The following MAD1L1 variants were observed in gnomAD, a reference collection of about 807,000 sequenced individuals.
The protein encoded by MAD1L1 is mitotic spindle assembly checkpoint protein MAD1.
A neutral mutation model predicts 96.9 loss-of-function variants in MAD1L1; 95 were observed. The ratio of observed to expected loss-of-function variants is 0.98; its 90% CI spans 0.83 to 1.16. MAD1L1 has a LOEUF of 1.16. MAD1L1 is among the 50% of genes most tolerant of loss of function. The pLI, the probability that MAD1L1 is intolerant of heterozygous loss-of-function variation, is 0.00. For synonymous variants in MAD1L1, 473 were observed against 396.6 expected (o/e 1.19, Z -2.29); for missense variants, 1,007 against 954.4 (o/e 1.06, Z -0.73).
chr7:2,184,776 C>T (rs1036983529), intron 10 of MAD1L1, among the ~76,000 whole-genome samples: 4 of 151,894 alleles, frequency 2.6e-5, no homozygotes, highest in South Asian at 4.2e-4. Flanking sequence ...CTGAGGCAGG[C>T]GGATCACCTG....
chr7:1,997,749 T>G (rs1237248814), intron 14 of MAD1L1, among the ~76,000 whole-genome samples: 1 of 152,214 alleles, frequency 6.6e-6, no homozygotes, highest in Non-Finnish European at 1.5e-5. Context: ...CCTTCAGGCA[T>G]GCCTGGCAGG....
chr7:2,166,755 G>A (rs929920463), intron 10 of MAD1L1, among the ~76,000 whole-genome samples: 9 of 152,172 alleles, frequency 5.9e-5, no homozygotes, highest in South Asian at 2.1e-4. Flanking sequence ...CAGCTGGGCC[G>A]GGAGAATGAC....
chr7:2,070,836 C>A (rs1785089945), intron 11 of MAD1L1, among the ~76,000 whole-genome samples: 1 of 152,350 alleles, frequency 6.6e-6, no homozygotes, highest in Admixed American at 6.5e-5. Flanking sequence ...CCTTCCCAGC[C>A]ATTGATTGCT....
intron 10 of MAD1L1, among the ~76,000 whole-genome samples, chr7:2,197,046 C>A (rs1181210602): frequency 2.0e-5 from 3 of 152,226 alleles, no homozygotes; most frequent in Non-Finnish European, 4.4e-5. Context: ...CTGATGAAGA[C>A]CTTCTGCGGC....
At chr7:1,929,783 A>C (rs1408453587) in intron 17 of MAD1L1, among the ~76,000 whole-genome samples, 1 of 81,832 alleles carries the variant, frequency 1.2e-5, no homozygotes, top group Non-Finnish European at 2.2e-5. Context: ...CCCCGTCCCC[A>C]CTGCCACGTC....
At chr7:1,883,531 T>C (rs1284170223) in intron 18 of MAD1L1, among the ~76,000 whole-genome samples, 1 of 152,234 alleles carries the variant, frequency 6.6e-6, no homozygotes. Context: ...CAAGCTCCAG[T>C]GTCCCGGAGA....
At chr7:2,086,643 C>T (rs2128542444) in intron 11 of MAD1L1, among the ~76,000 whole-genome samples, 1 of 152,366 alleles carries the variant, frequency 6.6e-6, no homozygotes, top group East Asian at 1.9e-4. Context: ...CAACCTCCGC[C>T]TCCCAGGTTC....
intron 11 of MAD1L1, among the ~76,000 whole-genome samples, chr7:2,131,330 G>C (rs766183351): frequency 2.0e-5 from 3 of 152,182 alleles, no homozygotes; most frequent in African/African-American, 4.8e-5. Flanking sequence ...TGTGATGAGA[G>C]GCTACATTAA....
chr7:1,911,594 C>T (rs1278613689), intron 17 of MAD1L1, among the ~76,000 whole-genome samples: 2 of 152,248 alleles, frequency 1.3e-5, no homozygotes, highest in Non-Finnish European at 2.9e-5. Context: ...GGACGATGTT[C>T]ACCAGCGAAC....
At chr7:1,939,659 A>G (rs905380536) in intron 16 of MAD1L1, among the ~76,000 whole-genome samples, 1 of 152,126 alleles carries the variant, frequency 6.6e-6, no homozygotes, top group Non-Finnish European at 1.5e-5. Context: ...GCACTCTCCT[A>G]TCTCCCAGAG....
intron 18 of MAD1L1, chr7:1,874,621 G>A: frequency 6.9e-6 from 3 of 436,816 alleles, no homozygotes; most frequent in East Asian, 1.4e-4. Flanking sequence ...GCTCTTCATC[G>A]ATCGCCTGGT....
At chr7:2,130,710 T>C (rs1788472983) in intron 11 of MAD1L1, among the ~76,000 whole-genome samples, 1 of 152,184 alleles carries the variant, frequency 6.6e-6, no homozygotes, top group African/African-American at 2.4e-5. Context: ...TCTTGTTCCG[T>C]AAATAACTAG....
intron 9 of MAD1L1, 68 bp downstream of exon 9, chr7:2,215,817 C>G: frequency 6.9e-7 from 1 of 1,448,676 alleles, no homozygotes; most frequent in Non-Finnish European, 9.7e-7. Context: ...GGCGTGACCA[C>G]AATACCGAGG....
At chr7:1,888,792 T>C (rs904936430) in intron 18 of MAD1L1, among the ~76,000 whole-genome samples, 1 of 152,064 alleles carries the variant, frequency 6.6e-6, no homozygotes, top group Non-Finnish European at 1.5e-5. Flanking sequence ...TGTGTCAGCA[T>C]GCATGCATGT....
chr7:2,217,638 A>G (rs1325293804), intron 7 of MAD1L1, among the ~76,000 whole-genome samples: 1 of 152,244 alleles, frequency 6.6e-6, no homozygotes, highest in East Asian at 1.9e-4. Context: ...CAGCTGTGCA[A>G]CTGTGGGCAG....
chr7:2,106,656 G>A (rs1015211341), intron 11 of MAD1L1, among the ~76,000 whole-genome samples: 2 of 152,220 alleles, frequency 1.3e-5, no homozygotes, highest in African/African-American at 2.4e-5. Flanking sequence ...TCACACTCTC[G>A]GCCCATCCCG....
intron 18 of MAD1L1, among the ~76,000 whole-genome samples, chr7:1,888,390 G>GGCTGCA (rs1370510875): frequency 2.7e-5 from 4 of 148,316 alleles, no homozygotes; most frequent in Non-Finnish European, 5.9e-5. Flanking sequence ...CTATGCGTGT[G>GGCTGCA]TGTGCATGCG....
chr7:2,168,240 G>A (rs1278297502), intron 10 of MAD1L1, among the ~76,000 whole-genome samples: 1 of 151,744 alleles, frequency 6.6e-6, no homozygotes, highest in Non-Finnish European at 1.5e-5. Context: ...AGCCGAGATC[G>A]TGCCACTGCA....
chr7:1,856,007 C>T (rs1020430256), intron 18 of MAD1L1, among the ~76,000 whole-genome samples: 3 of 152,152 alleles, frequency 2.0e-5, no homozygotes, highest in Non-Finnish European at 2.9e-5. Flanking sequence ...CACTTCCTCG[C>T]GGTGCGCTCA....
Sources: allele counts gnomAD v4.1 joint callset (sites outside exome capture counted in the v4.1 genomes callset), GRCh38; gene constraint gnomAD v4.1.1; transcripts MANE v1.5; gene names NCBI Gene and HGNC (gene_info 2026-07-23, HGNC 2026-07-21).